The following OR14A2 variants were observed in gnomAD, a reference collection of about 807,000 sequenced individuals.
OR14A2 encodes olfactory receptor 14A2.
For missense variants in OR14A2, 237 were observed against 152.9 expected (o/e 1.55, Z -2.90); for synonymous variants, 114 against 58.6 (o/e 1.95, Z -4.32).
At chr1:247,742,990 A>C in the OR14A2 span, among the ~76,000 whole-genome samples, 1 of 152,250 alleles carries the variant, frequency 6.6e-6, no homozygotes, top group Admixed American at 6.5e-5. Context: ...ATAACTAAGG[A>C]GCTAAATTAG....
At chr1:247,723,575 A>G in exon 1 of OR14A2, 1 of 718,370 alleles carries the variant, frequency 1.4e-6, no homozygotes, top group Non-Finnish European at 2.6e-6. Flanking sequence ...CCAGCTGTGT[A>G]CGCAGTACCA....
In OR14A2 at chr1:247,723,724, G is replaced by T. The variant is rs955090807; in HGVS notation, c.320C>A (p.Ala107Glu). ...GGCAGTGAGGATAAATATCTCTCCT[G>T]CTGAGAAGGAAGTCATTAAAAGTAG... Residue 107 changes from alanine to glutamate, a missense_variant, in exon 1 of 1, where the codon GCA (alanine) becomes GAA (glutamate). Physicochemically the swap from Ala to Glu is moderately radical, Grantham distance 107 (BLOSUM62 -1). Transcript: ENST00000366485. The T allele has an allele frequency of 1.1e-5, 8 of 718,340 alleles. No homozygotes were observed. In the African/African-American group the frequency reaches 1.4e-4, roughly 13 times the overall value. The allele number at this position is 718,340 out of a possible 1,614,324, so 44.5% of individuals were successfully genotyped here.
At chr1:247,739,902 A>G in the OR14A2 span, among the ~76,000 whole-genome samples, 19,869 of 151,932 alleles carry the variant, frequency 0.13, 2,335 homozygotes, top group African/African-American at 0.32. Flanking sequence ...GTAGAGACGG[A>G]GTTCCACCAT....
chr1:247,728,366 T>G (rs1660437820), upstream of OR14A2, among the ~76,000 whole-genome samples: 1 of 151,992 alleles, frequency 6.6e-6, no homozygotes, highest in Admixed American at 6.6e-5. Flanking sequence ...TTTGACAAAA[T>G]TCAACAACCC....
the OR14A2 span, among the ~76,000 whole-genome samples, chr1:247,743,228 CT>C: frequency 6.6e-6 from 1 of 152,066 alleles, no homozygotes; most frequent in Non-Finnish European, 1.5e-5. Flanking sequence ...AGAACTCCCC[CT>C]ACCAGAGCAC....
the OR14A2 span, among the ~76,000 whole-genome samples, chr1:247,744,968 A>G: frequency 3.3e-5 from 5 of 152,184 alleles, no homozygotes; most frequent in African/African-American, 1.2e-4. The surrounding 1 kb of genome is among the most constrained non-coding windows in gnomAD (Gnocchi z 4.3). Context: ...TTTTATGGCT[A>G]CTTGGTGTCA....
the OR14A2 span, among the ~76,000 whole-genome samples, chr1:247,734,980 C>T: frequency 9.9e-5 from 15 of 152,272 alleles, no homozygotes; most frequent in Non-Finnish European, 1.8e-4. Context: ...ATAAACTGTA[C>T]CTCATCCCAA....
chr1:247,725,688 C>G (rs1409386018), upstream of OR14A2, among the ~76,000 whole-genome samples: 235 of 110,920 alleles, frequency 2.1e-3, no homozygotes, highest in Non-Finnish European at 3.6e-3. Flanking sequence ...CCCCTCCCCC[C>G]ACCCCACCAC....
the OR14A2 span, among the ~76,000 whole-genome samples, chr1:247,739,857 A>G: frequency 1.3e-5 from 2 of 151,862 alleles, no homozygotes; most frequent in African/African-American, 4.8e-5. Flanking sequence ...TTACAGGTGT[A>G]TGCAACCACG....
chr1:247,740,727 G>A, the OR14A2 span, among the ~76,000 whole-genome samples: 3 of 152,086 alleles, frequency 2.0e-5, no homozygotes, highest in Non-Finnish European at 4.4e-5. Flanking sequence ...GGAGACAATC[G>A]TCGTATCACC....
the OR14A2 span, among the ~76,000 whole-genome samples, chr1:247,738,212 C>T: frequency 6.6e-6 from 1 of 152,114 alleles, no homozygotes; most frequent in Admixed American, 6.5e-5. Flanking sequence ...ATTTCATTCA[C>T]AACATTTAAT....
chr1:247,730,649 G>A, the OR14A2 span, among the ~76,000 whole-genome samples: 1 of 151,872 alleles, frequency 6.6e-6, no homozygotes, highest in African/African-American at 2.4e-5. Context: ...ACTCCTTCTT[G>A]TAAAATAATA....
chr1:247,735,231 G>C, the OR14A2 span, among the ~76,000 whole-genome samples: 1 of 152,202 alleles, frequency 6.6e-6, no homozygotes, highest in Non-Finnish European at 1.5e-5. Flanking sequence ...TCCAAGGGAA[G>C]TGTGATGGCT....
exon 1 of OR14A2, chr1:247,723,147 C>A: frequency 1.4e-6 from 1 of 717,502 alleles, no homozygotes; most frequent in South Asian, 1.5e-5. Context: ...GCAACCTTAT[C>A]AGAGCACATT....
chr1:247,723,726 T>A (rs1660261773), exon 1 of OR14A2: 1 of 718,438 alleles, frequency 1.4e-6, no homozygotes, highest in Non-Finnish European at 2.6e-6. Context: ...TCTCTCCTGC[T>A]GAGAAGGAAG....
chr1:247,727,141 GAT>G (rs1205031311), upstream of OR14A2, among the ~76,000 whole-genome samples: 3 of 149,410 alleles, frequency 2.0e-5, no homozygotes, highest in East Asian at 5.9e-4. Flanking sequence ...CCATTTTCAC[GAT>G]ATTGATTCTT....
chr1:247,739,313 C>G, the OR14A2 span: 2 of 780,768 alleles, frequency 2.6e-6, no homozygotes, highest in Non-Finnish European at 4.8e-6. Context: ...AGAGACAATC[C>G]AAAGCCTTTT....
chr1:247,728,159 A>C (rs1483783813), upstream of OR14A2, among the ~76,000 whole-genome samples: 2 of 152,212 alleles, frequency 1.3e-5, no homozygotes, highest in African/African-American at 4.8e-5. Flanking sequence ...ATGAACATTG[A>C]TGCAAAAATC....
chr1:247,734,589 C>T, the OR14A2 span, among the ~76,000 whole-genome samples: 1 of 152,124 alleles, frequency 6.6e-6, no homozygotes, highest in Non-Finnish European at 1.5e-5. Flanking sequence ...CTTTATTGCT[C>T]AAAATACTCA....
Sources: gnomAD v4.1 joint callset for allele counts (sites outside exome capture counted in the v4.1 genomes callset) on GRCh38, gnomAD v4.1.1 for gene constraint, Gnocchi (gnomAD v3.1) non-coding constraint, MANE v1.5 for transcripts, NCBI Gene and HGNC (gene_info 2026-07-23, HGNC 2026-07-21) for gene names.